UNC5D: variants seen among roughly 807,000 people sequenced by gnomAD.
UNC5D encodes the protein netrin receptor UNC5D.
In UNC5D, 39 loss-of-function variants were observed where a neutral mutation model predicts 105.4. That is an observed-to-expected ratio of 0.37 (90% confidence interval 0.29 to 0.48). The LOEUF is 0.48. UNC5D is among the 20% of genes least tolerant of loss of function. The pLI is 0.98. For missense variants in UNC5D, 991 were observed against 1,202.4 expected (o/e 0.82, Z 2.60); for synonymous variants, 452 against 450.4 (o/e 1.00, Z -0.04).
At chr8:35,374,595 G>T (rs77322961) in intron 1 of UNC5D, among the ~76,000 whole-genome samples, 7,982 of 152,198 alleles carry the variant, frequency 0.052, 243 homozygotes, top group African/African-American at 0.086. Flanking sequence ...TCTCATGTCA[G>T]GCATCAGTGA....
intron 4 of UNC5D, among the ~76,000 whole-genome samples, chr8:35,620,368 C>G (rs993284163): frequency 1.3e-4 from 20 of 152,174 alleles, no homozygotes; most frequent in African/African-American, 4.6e-4. Context: ...ATCATTGTCT[C>G]CATGAGGCAG....
At chr8:35,547,201 A>C (rs1159302097) in intron 1 of UNC5D, among the ~76,000 whole-genome samples, 1 of 152,064 alleles carries the variant, frequency 6.6e-6, no homozygotes, top group African/African-American at 2.4e-5. Context: ...TCTTCCTTAT[A>C]CAAAATACCT....
chr8:35,676,159 G>C (rs1825201733), intron 4 of UNC5D, among the ~76,000 whole-genome samples: 1 of 152,110 alleles, frequency 6.6e-6, no homozygotes, highest in South Asian at 2.1e-4. Context: ...GGAACCTGCT[G>C]TCTGGCATGA....
At chr8:35,484,769 G>A (rs1414656647) in intron 1 of UNC5D, among the ~76,000 whole-genome samples, 4 of 152,048 alleles carry the variant, frequency 2.6e-5, no homozygotes, top group African/African-American at 9.7e-5. Flanking sequence ...ATCTGCGGCC[G>A]CTATACCAAG....
At chr8:35,631,722 CTT>C (rs1822055023) in intron 4 of UNC5D, among the ~76,000 whole-genome samples, 1 of 152,160 alleles carries the variant, frequency 6.6e-6, no homozygotes, top group Non-Finnish European at 1.5e-5. Context: ...AACTCAGTTT[CTT>C]CACCCATAAT....
At chr8:35,700,749 T>C (rs757176685) in intron 7 of UNC5D, among the ~76,000 whole-genome samples, 44 of 152,160 alleles carry the variant, frequency 2.9e-4, no homozygotes, top group Non-Finnish European at 6.0e-4. Flanking sequence ...AACTAATTCA[T>C]ATCTGGCATG....
chr8:35,308,602 G>T (rs1295975322), intron 1 of UNC5D, among the ~76,000 whole-genome samples: 1 of 152,134 alleles, frequency 6.6e-6, no homozygotes, highest in Non-Finnish European at 1.5e-5. Flanking sequence ...CCATCTGGTA[G>T]TAGGAACCAA....
At chr8:35,640,315 G>A (rs1166892385) in intron 4 of UNC5D, among the ~76,000 whole-genome samples, 1 of 152,050 alleles carries the variant, frequency 6.6e-6, no homozygotes, top group Non-Finnish European at 1.5e-5. Context: ...TTCATATCCT[G>A]ATCAGATTGT....
At chr8:35,593,232 A>G (rs1819288160) in intron 3 of UNC5D, among the ~76,000 whole-genome samples, 1 of 152,206 alleles carries the variant, frequency 6.6e-6, no homozygotes, top group African/African-American at 2.4e-5. Flanking sequence ...AGTGGTGTGT[A>G]GATAGCCATA....
At chr8:35,452,480 G>A (rs1808219313) in intron 1 of UNC5D, among the ~76,000 whole-genome samples, 1 of 151,988 alleles carries the variant, frequency 6.6e-6, no homozygotes, top group Non-Finnish European at 1.5e-5. Flanking sequence ...TAGCCAGGAT[G>A]GTCTCAATCT....
chr8:35,316,776 G>C (rs1259978359), intron 1 of UNC5D, among the ~76,000 whole-genome samples: 1 of 152,124 alleles, frequency 6.6e-6, no homozygotes, highest in East Asian at 1.9e-4. Context: ...TAAAGTCACA[G>C]ATAATTTAGA....
At chr8:35,287,530 C>A (rs959378615) in intron 1 of UNC5D, among the ~76,000 whole-genome samples, 1 of 143,288 alleles carries the variant, frequency 7.0e-6, no homozygotes, top group Non-Finnish European at 1.5e-5. Flanking sequence ...TATGGTGGCA[C>A]GTGCCTGAAA....
intron 4 of UNC5D, among the ~76,000 whole-genome samples, chr8:35,652,431 C>A (rs560823279): frequency 1.3e-5 from 2 of 152,096 alleles, no homozygotes; most frequent in African/African-American, 2.4e-5. Flanking sequence ...TCATTTCATA[C>A]GCATGTACTT....
At chr8:35,432,491 T>TAA (rs1182955746) in intron 1 of UNC5D, among the ~76,000 whole-genome samples, 2 of 152,184 alleles carry the variant, frequency 1.3e-5, no homozygotes, top group African/African-American at 4.8e-5. Flanking sequence ...ACTTCACTCT[T>TAA]ATCAATAAAC....
intron 1 of UNC5D, among the ~76,000 whole-genome samples, chr8:35,281,382 T>A (rs1255591360): frequency 6.6e-6 from 1 of 152,012 alleles, no homozygotes; most frequent in African/African-American, 2.4e-5. Flanking sequence ...TTGCACCAAA[T>A]GAGTAATTAC....
At chr8:35,289,700 A>G (rs1395802612) in intron 1 of UNC5D, among the ~76,000 whole-genome samples, 1 of 152,256 alleles carries the variant, frequency 6.6e-6, no homozygotes, top group Non-Finnish European at 1.5e-5. Context: ...TTCAATAGCA[A>G]GAAAACAACT....
rs1211090181 is a variant in UNC5D, at chr8:35,759,453, C to A, written c.2297C>A (p.Pro766Gln). 1.2e-6 allele frequency: 2 copies of A among 1,613,534 alleles called. No homozygotes were observed. Among genetic ancestry groups the A allele is most frequent in the Non-Finnish European group, 1.7e-6 (2 of 1,179,838 alleles). The change falls in exon 14 of 17, where the codon CCA (proline) becomes CAA (glutamine). Residue 766 changes from proline (P) to glutamine (Q), a missense_variant. Pro to Gln is a moderately conservative substitution (Grantham distance 76, BLOSUM62 -1). Coordinates refer to ENST00000404895, the MANE Select transcript of UNC5D (RefSeq NM_080872.4). ...CCCCCATTCCTCTGGAGAATTAAAC[C>A]ATTCACTGCCTGCCAGGTACTGGCC... ...DIPPFLWRIK[P>Q]FTACQEVPFS... is the part of the protein sequence containing the mutation.
At chr8:35,724,082 T>C in intron 9 of UNC5D, 1 of 1,351,854 alleles carries the variant, frequency 7.4e-7, no homozygotes, top group Non-Finnish European at 9.5e-7. Flanking sequence ...GCCAGCGTGT[T>C]CCGTGGAGCA....
At chr8:35,474,187 C>G (rs949143562) in intron 1 of UNC5D, among the ~76,000 whole-genome samples, 15 of 152,216 alleles carry the variant, frequency 9.9e-5, no homozygotes, top group Admixed American at 2.6e-4. Context: ...GCAATGTGTT[C>G]ATTAGAGATA....
Sources: gnomAD v4.1 joint callset for allele counts (sites outside exome capture counted in the v4.1 genomes callset) on GRCh38, gnomAD v4.1.1 for gene constraint, MANE v1.5 for transcripts, NCBI Gene and HGNC (gene_info 2026-07-23, HGNC 2026-07-21) for gene names.